PIK3CB: variants seen among roughly 807,000 people sequenced by gnomAD.
PIK3CB encodes phosphatidylinositol 4,5-bisphosphate 3-kinase catalytic subunit beta isoform.
A neutral mutation model predicts 136.8 loss-of-function variants in PIK3CB; 39 were observed. The observed-to-expected ratio is 0.29, with a 90% CI of 0.22 to 0.37. The LOEUF is 0.37. Among genes scored for constraint, PIK3CB ranks in the 10% least tolerant of loss-of-function variants. The pLI is 1.00. For synonymous variants in PIK3CB, 428 were observed against 436.6 expected (o/e 0.98, Z 0.25); for missense variants, 868 against 1,275.4 (o/e 0.68, Z 4.87).
chr3:138,686,169 T>A (rs1036495505), intron 16 of PIK3CB, among the ~76,000 whole-genome samples: 3 of 151,542 alleles, frequency 2.0e-5, no homozygotes, highest in African/African-American at 7.3e-5. Context: ...TCAGGTGCAG[T>A]GGCTCATGCC....
At chr3:138,744,406 A>AAAAAAAAC in intron 4 of PIK3CB, among the ~76,000 whole-genome samples, 1 of 142,722 alleles carries the variant, frequency 7.0e-6, no homozygotes, top group African/African-American at 2.6e-5. Flanking sequence ...AAAAAAAAAA[A>AAAAAAAAC]AAAAAAAAAA....
At chr3:138,721,590 A>G (rs916645176) in intron 8 of PIK3CB, among the ~76,000 whole-genome samples, 4 of 152,210 alleles carry the variant, frequency 2.6e-5, no homozygotes, top group African/African-American at 9.7e-5. Flanking sequence ...TCTTTCCCAA[A>G]TCCAGTTTTG....
At position 138,656,229 on chromosome 3, in the gene PIK3CB, A is replaced by G. The variant is rs2043188923; in HGVS notation, c.2988T>C (p.His996=). The change falls in exon 23 of 24, where the codon CAT becomes CAC. Residue 996 remains histidine (H), a synonymous_variant. Coordinates refer to ENST00000674063, the MANE Select transcript of PIK3CB (RefSeq NM_006219.3). ...CEDAYLILRR[H]GNLFITLFAL... is the part of the protein sequence containing the mutation. ...CAAAGAGAGTGATGAAGAGATTCCC[A>G]TGCCGTCGTAAAATCAGATATGCAT... 6.2e-7 allele frequency: 1 copy of G among 1,614,106 alleles called. No homozygotes were observed. The highest frequency in any genetic ancestry group is 1.3e-5 in the African/African-American group (1 of 74,956).
intron 8 of PIK3CB, among the ~76,000 whole-genome samples, chr3:138,733,078 C>A (rs1335018805): frequency 6.7e-6 from 1 of 150,242 alleles, no homozygotes; most frequent in African/African-American, 2.4e-5. Flanking sequence ...TTATATATTT[C>A]TTCTATATAA....
At chr3:138,833,967 G>A (rs9647337) in intron 1 of PIK3CB, among the ~76,000 whole-genome samples, 61,318 of 151,986 alleles carry the variant, frequency 0.4, 13,152 homozygotes, top group Middle Eastern at 0.47. Flanking sequence ...GCCACTGCGA[G>A]GTTAACAGGC....
At chr3:138,689,300 G>A (rs1005788640) in intron 15 of PIK3CB, among the ~76,000 whole-genome samples, 2 of 152,176 alleles carry the variant, frequency 1.3e-5, no homozygotes, top group Admixed American at 6.5e-5. Flanking sequence ...CAAAAAATGA[G>A]TCCTGGACTT....
chr3:138,820,160 C>T (rs908164568), intron 1 of PIK3CB, among the ~76,000 whole-genome samples: 1 of 152,170 alleles, frequency 6.6e-6, no homozygotes, highest in African/African-American at 2.4e-5. Context: ...CTAAGGCTAA[C>T]ATGACTGGCC....
chr3:138,763,980 A>G (rs778541792), intron 2 of PIK3CB, among the ~76,000 whole-genome samples: 1 of 151,956 alleles, frequency 6.6e-6, no homozygotes, highest in African/African-American at 2.4e-5. Flanking sequence ...GCATGGAGGC[A>G]CGCCCCTGTA....
chr3:138,771,180 T>C (rs1234615529), intron 2 of PIK3CB, among the ~76,000 whole-genome samples: 1 of 151,628 alleles, frequency 6.6e-6, no homozygotes, highest in South Asian at 2.1e-4. Flanking sequence ...GTATGCATTA[T>C]AATGGGTACT....
At chr3:138,733,319 T>C (rs370092510) in intron 8 of PIK3CB, 42 bp downstream of exon 8, 21 of 885,554 alleles carry the variant, frequency 2.4e-5, no homozygotes, top group Non-Finnish European at 3.3e-5. Flanking sequence ...GTTATTCAAA[T>C]ACTGGAGCGG....
intron 5 of PIK3CB, among the ~76,000 whole-genome samples, chr3:138,742,315 A>C (rs970427997): frequency 2.6e-5 from 4 of 152,158 alleles, no homozygotes; most frequent in Non-Finnish European, 5.9e-5. Context: ...AAAACCAATT[A>C]AACAGTCCAG....
At chr3:138,689,115 C>T in intron 15 of PIK3CB, 141 bp from the exon 16 acceptor site, 1 of 604,106 alleles carries the variant, frequency 1.7e-6, no homozygotes, top group Non-Finnish European at 3.0e-6. Context: ...TTCCTCCCTT[C>T]CTTCCTTTTT....
intron 1 of PIK3CB, chr3:138,825,441 A>T (rs1933739139): frequency 1.4e-6 from 1 of 695,402 alleles, no homozygotes. Context: ...GCCAATACAG[A>T]TATGAGGAAA....
chr3:138,686,874 A>C (rs72988872), intron 16 of PIK3CB, among the ~76,000 whole-genome samples: 5,249 of 152,254 alleles, frequency 0.034, 306 homozygotes, highest in African/African-American at 0.12. Context: ...GAGATGGCTG[A>C]AACTTACCAA....
chr3:138,773,651 A>AT (rs990955808), intron 2 of PIK3CB, among the ~76,000 whole-genome samples: 7 of 152,168 alleles, frequency 4.6e-5, no homozygotes, highest in African/African-American at 1.7e-4. Context: ...CAAACACATA[A>AT]TTTTTTATTA....
chr3:138,711,031 C>T (rs955317512), intron 10 of PIK3CB, among the ~76,000 whole-genome samples: 1 of 151,142 alleles, frequency 6.6e-6, no homozygotes, highest in Non-Finnish European at 1.5e-5. Context: ...TTGAAGTGAG[C>T]GCATATCACA....
At chr3:138,772,640 T>TC in intron 2 of PIK3CB, among the ~76,000 whole-genome samples, 1 of 151,010 alleles carries the variant, frequency 6.6e-6, no homozygotes, top group South Asian at 2.1e-4. Context: ...TTGATTTTTT[T>TC]TTTTTTTTTT....
chr3:138,812,257 G>A (rs970231079), intron 1 of PIK3CB, among the ~76,000 whole-genome samples: 3 of 151,360 alleles, frequency 2.0e-5, no homozygotes, highest in African/African-American at 7.3e-5. Context: ...TTTTTTGGGG[G>A]GACAGAGTCT....
chr3:138,805,659 G>A (rs1216890739), intron 1 of PIK3CB, among the ~76,000 whole-genome samples: 3 of 151,940 alleles, frequency 2.0e-5, no homozygotes, highest in South Asian at 2.1e-4. Context: ...GCCACAGAGC[G>A]AGACTCCGTC....
Sources: gnomAD v4.1 joint callset for allele counts (sites outside exome capture counted in the v4.1 genomes callset) on GRCh38, gnomAD v4.1.1 for gene constraint, MANE v1.5 for transcripts, NCBI Gene and HGNC (gene_info 2026-07-23, HGNC 2026-07-21) for gene names.